The following CELF2 variants were observed in gnomAD, a reference collection of about 807,000 sequenced individuals.
CELF2 encodes CUG triplet repeat RNA-binding protein 2.
Under a neutral mutation model 62.6 loss-of-function variants are expected in CELF2, and 8 were observed. The observed-to-expected ratio is 0.13, with a 90% CI of 0.07 to 0.23. CELF2 has a LOEUF of 0.23. Among genes scored for constraint, CELF2 ranks in the 10% least tolerant of loss-of-function variants. The probability of loss-of-function intolerance (pLI) is 1.00; values close to 1 mark genes in which losing one functional copy is unlikely to be tolerated. For synonymous variants in CELF2, 258 were observed against 250.0 expected, an observed-to-expected ratio of 1.03 and a Z score of -0.30; for missense variants, 333 against 671.0, an observed-to-expected ratio of 0.50 and a Z score of 5.56.
At chr10:11,291,182 G>T (rs970046433) in intron 9 of CELF2, among the ~76,000 whole-genome samples, 5 of 152,152 alleles carry the variant, frequency 3.3e-5, no homozygotes, top group Admixed American at 2.0e-4. Context: ...CACAGGCCTG[G>T]GGTTTACCCT....
chr10:10,618,785 G>C, the CELF2 span, among the ~76,000 whole-genome samples: 1 of 152,072 alleles, frequency 6.6e-6, no homozygotes, highest in East Asian at 1.9e-4. Context: ...GGTTTGATAG[G>C]CAAGAGAAAG....
chr10:11,109,612 C>T (rs1294188302), intron 1 of CELF2, among the ~76,000 whole-genome samples: 12 of 152,190 alleles, frequency 7.9e-5, no homozygotes, highest in Non-Finnish European at 1.5e-4. Flanking sequence ...CAGCTAGGCA[C>T]TCTCTGAATT....
At chr10:10,698,573 G>A in the CELF2 span, among the ~76,000 whole-genome samples, 3 of 152,140 alleles carry the variant, frequency 2.0e-5, no homozygotes, top group South Asian at 6.2e-4. Flanking sequence ...TACGTTCTCA[G>A]TAAACTGCAG....
At chr10:10,760,336 T>C in the CELF2 span, among the ~76,000 whole-genome samples, 1 of 152,192 alleles carries the variant, frequency 6.6e-6, no homozygotes, top group South Asian at 2.1e-4. Context: ...CTGTTGGCTC[T>C]TGAATGCTCC....
At position 11,039,005 on chromosome 10, in the gene CELF2, A is replaced by G. The variant is rs1170259036; in HGVS notation, c.74+20842A>G. ...GCAGTCTTCTTGTTTCATCCCCTCA[A>G]CCATCCACCACCCTAAGCCAAGTGC... On this transcript the variant is annotated intron_variant, in intron 1 of 12. Transcript: ENST00000633077. The surrounding 1 kb of genome is among the most constrained non-coding windows in gnomAD (Gnocchi z 4.1). Among the ~76,000 whole-genome samples the G allele has an allele frequency of 5.3e-5, 8 of 152,200 alleles. No homozygotes were observed. The highest frequency in any genetic ancestry group is 1.7e-4 in the African/African-American group (7 of 41,522).
At chr10:10,836,048 T>C (rs2058261795) in intron 1 of CELF2, among the ~76,000 whole-genome samples, 1 of 152,194 alleles carries the variant, frequency 6.6e-6, no homozygotes, top group Non-Finnish European at 1.5e-5. Flanking sequence ...CCATAATTCT[T>C]AGGCATCCAA....
At chr10:10,770,478 G>C in the CELF2 span, among the ~76,000 whole-genome samples, 1 of 152,056 alleles carries the variant, frequency 6.6e-6, no homozygotes, top group African/African-American at 2.4e-5. Context: ...AGAGGGTTCA[G>C]GCCAGCAGAA....
chr10:11,289,440 G>C (rs2092124596), intron 9 of CELF2, among the ~76,000 whole-genome samples: 1 of 152,200 alleles, frequency 6.6e-6, no homozygotes. Flanking sequence ...CTCCACGCTG[G>C]CTGTTTTAGG....
chr10:11,332,272 G>T lies in CELF2; in HGVS notation c.*3219G>T, dbSNP rs1451886893. ...TACCTTGCAGTAAAACGACTTTGTG[G>T]CAGGACAGTCTCTTGAGGGGTTTTG... On this transcript the variant is annotated 3_prime_UTR_variant, in exon 13 of 13. Coordinates refer to ENST00000633077, the MANE Select transcript of CELF2 (RefSeq NM_001326342.2). The T allele has an allele frequency of 1.3e-5, 2 of 152,138 alleles. No individual in the cohort carries two copies. Among genetic ancestry groups the T allele is most frequent in the Non-Finnish European group, 2.9e-5 (2 of 68,030 alleles). 9.4% of individuals were successfully genotyped at this position (152,138 alleles called of 1,614,324 possible). A position where few individuals can be genotyped will look rare whatever the true frequency, so the allele number is the denominator to read the frequency against.
the CELF2 span, among the ~76,000 whole-genome samples, chr10:10,550,306 C>T: frequency 0.037 from 5,702 of 152,222 alleles, 165 homozygotes; most frequent in Non-Finnish European, 0.055. Context: ...ATTGAGTAGA[C>T]TGAGGATGCG....
At chr10:10,496,277 A>G in the CELF2 span, among the ~76,000 whole-genome samples, 1 of 152,150 alleles carries the variant, frequency 6.6e-6, no homozygotes, top group Admixed American at 6.5e-5. Flanking sequence ...AAAGACTATT[A>G]TATCTAAGCC....
rs1405123506 is a variant in CELF2, at chr10:11,267,515, A to G, written c.618+838A>G. ...TGTTCTGCTGTATTATGTATACTGTATCTTTGTGTATGGGTGATCTTTTCC... is the reference window on the plus strand; with the variant it reads ...TGTTCTGCTGTATTATGTATACTGTGTCTTTGTGTATGGGTGATCTTTTCC... On this transcript the variant is annotated intron_variant, in intron 6 of 12. Transcript: ENST00000633077. The surrounding 1 kb of genome is among the most constrained non-coding windows in gnomAD (Gnocchi z 4.4). 1.3e-5 allele frequency among the ~76,000 whole-genome samples: 2 copies of G among 152,152 alleles called. No individual in the cohort carries two copies. The highest frequency in any genetic ancestry group is 2.9e-5 in the Non-Finnish European group (2 of 68,026).
At chr10:10,594,944 G>C in the CELF2 span, among the ~76,000 whole-genome samples, 1 of 152,204 alleles carries the variant, frequency 6.6e-6, no homozygotes, top group African/African-American at 2.4e-5. Context: ...GAAGAGGTCA[G>C]AAAGTCTTCC....
chr10:11,090,897 A>G (rs777535266), intron 1 of CELF2, among the ~76,000 whole-genome samples: 3 of 152,234 alleles, frequency 2.0e-5, no homozygotes, highest in Non-Finnish European at 2.9e-5. Context: ...TAATAAAAAT[A>G]CAGGCTAGAA....
chr10:10,691,599 T>A, the CELF2 span, among the ~76,000 whole-genome samples: 76 of 151,320 alleles, frequency 5.0e-4, no homozygotes, highest in African/African-American at 1.8e-3. Context: ...TCCACAATGG[T>A]TGAATCAGTT....
intron 8 of CELF2, among the ~76,000 whole-genome samples, chr10:11,287,407 A>G (rs1046155817): frequency 1.3e-5 from 2 of 152,188 alleles, no homozygotes; most frequent in African/African-American, 4.8e-5. Flanking sequence ...AGTTAAACTA[A>G]CTATCCGGTG....
At chr10:10,762,540 G>A in the CELF2 span, among the ~76,000 whole-genome samples, 8 of 152,134 alleles carry the variant, frequency 5.3e-5, no homozygotes, top group East Asian at 1.9e-4. Context: ...ATGTCTACAC[G>A]TAGATCGAAT....
At chr10:11,020,593 G>C (rs1194302372) in intron 1 of CELF2, among the ~76,000 whole-genome samples, 1 of 152,218 alleles carries the variant, frequency 6.6e-6, no homozygotes, top group Non-Finnish European at 1.5e-5. Flanking sequence ...CAGTCGGCTA[G>C]ATATTGGCCT....
At chr10:10,878,935 T>C (rs2061278238) in intron 1 of CELF2, among the ~76,000 whole-genome samples, 2 of 152,138 alleles carry the variant, frequency 1.3e-5, no homozygotes, top group African/African-American at 4.8e-5. Context: ...AGATGCATTG[T>C]CTATAAAATT....
Sources: gnomAD v4.1 joint callset for allele counts (sites outside exome capture counted in the v4.1 genomes callset) on GRCh38, gnomAD v4.1.1 for gene constraint, Gnocchi (gnomAD v3.1) non-coding constraint, MANE v1.5 for transcripts, NCBI Gene and HGNC (gene_info 2026-07-23, HGNC 2026-07-21) for gene names.